HS3ST5: variants seen among roughly 807,000 people sequenced by gnomAD.
HS3ST5 encodes the protein heparan sulfate-glucosamine 3-sulfotransferase 5.
HS3ST5 carries 10 observed loss-of-function variants against 25.4 expected under a neutral mutation model. The ratio of observed to expected loss-of-function variants is 0.39; its 90% confidence interval spans 0.24 to 0.67. The LOEUF is 0.67. Among genes scored for constraint, HS3ST5 ranks in the 30% least tolerant of loss-of-function variants. The pLI, the probability that HS3ST5 is intolerant of heterozygous loss-of-function variation, is 0.44. For synonymous variants in HS3ST5, 170 were observed against 162.4 expected, an observed-to-expected ratio of 1.05 and a Z score of -0.36; for missense variants, 324 against 420.7, an observed-to-expected ratio of 0.77 and a Z score of 2.01.
intron 1 of HS3ST5, among the ~76,000 whole-genome samples, chr6:114,291,611 C>G (rs1274074565): frequency 6.6e-6 from 1 of 152,038 alleles, no homozygotes; most frequent in Non-Finnish European, 1.5e-5. Flanking sequence ...AATGTCTAGA[C>G]AGGATGAAGA....
intron 1 of HS3ST5, among the ~76,000 whole-genome samples, chr6:114,299,610 C>G (rs1373288362): frequency 1.3e-5 from 2 of 152,114 alleles, no homozygotes; most frequent in Non-Finnish European, 2.9e-5. Context: ...CCCTTTATTT[C>G]TCAACCCGGC....
At chr6:114,176,798 A>G (rs1034321153) in intron 2 of HS3ST5, among the ~76,000 whole-genome samples, 7 of 152,164 alleles carry the variant, frequency 4.6e-5, no homozygotes, top group African/African-American at 1.7e-4. Context: ...TGGGGTATAA[A>G]TCTATTTTTA....
At chr6:114,334,459 G>T (rs1776527694) in intron 1 of HS3ST5, among the ~76,000 whole-genome samples, 1 of 152,210 alleles carries the variant, frequency 6.6e-6, no homozygotes, top group African/African-American at 2.4e-5. Context: ...TGCCTACAGA[G>T]TGTGAGTGCA....
At chr6:114,076,262 G>GT (rs1435250086) in intron 3 of HS3ST5, among the ~76,000 whole-genome samples, 1 of 152,140 alleles carries the variant, frequency 6.6e-6, no homozygotes, top group East Asian at 1.9e-4. Context: ...CTGATCTTCT[G>GT]TTTTTTCCTA....
chr6:114,158,479 T>A (rs1778800814), intron 3 of HS3ST5, among the ~76,000 whole-genome samples: 3 of 152,124 alleles, frequency 2.0e-5, no homozygotes, highest in Admixed American at 2.0e-4. Context: ...GTGAAGTGCT[T>A]CATGTGTGTT....
intron 3 of HS3ST5, among the ~76,000 whole-genome samples, 192 bp from the exon 4 acceptor site, chr6:114,063,069 A>G (rs1476279504): frequency 6.6e-6 from 1 of 152,222 alleles, no homozygotes; most frequent in Non-Finnish European, 1.5e-5. Flanking sequence ...ATGTTATAAG[A>G]TCAAATACTA....
chr6:114,071,975 T>C lies in HS3ST5; in HGVS notation c.-32-9098A>G, dbSNP rs557537368. ...TTGCCCTGTGATAGAAGTGGGGCAG[T>C]GGGCATTCTTGTCTCAAAGCCTAGG... On this transcript the variant is annotated intron_variant, in intron 3 of 4. Transcript: ENST00000312719. 2.6e-5 allele frequency among the ~76,000 whole-genome samples: 4 copies of C among 152,288 alleles called. No individual in the cohort carries two copies. In the South Asian group the frequency reaches 6.2e-4, roughly 24 times the overall value.
At chr6:114,210,152 A>G (rs1451727300) in intron 2 of HS3ST5, among the ~76,000 whole-genome samples, 1 of 152,206 alleles carries the variant, frequency 6.6e-6, no homozygotes, top group African/African-American at 2.4e-5. Flanking sequence ...AATATTCATT[A>G]TTAGTAGTAA....
chr6:114,115,819 G>A (rs1474500880), intron 3 of HS3ST5, among the ~76,000 whole-genome samples: 2 of 152,072 alleles, frequency 1.3e-5, no homozygotes, highest in Non-Finnish European at 2.9e-5. Context: ...TGAAGGGTAA[G>A]TATTTTAGTG....
intron 3 of HS3ST5, among the ~76,000 whole-genome samples, chr6:114,073,910 T>C (rs565069632): frequency 1.4e-4 from 21 of 152,244 alleles, no homozygotes; most frequent in Middle Eastern, 3.4e-3. Context: ...TGTCCATCAA[T>C]GGTAGACTGG....
At chr6:114,230,661 A>G (rs1203209363) in intron 1 of HS3ST5, among the ~76,000 whole-genome samples, 23 of 146,728 alleles carry the variant, frequency 1.6e-4, no homozygotes, top group Non-Finnish European at 1.5e-5. Flanking sequence ...ATCTCGGCTC[A>G]CTGCAACCCC....
intron 3 of HS3ST5, among the ~76,000 whole-genome samples, chr6:114,159,702 G>T (rs1227577795): frequency 6.6e-6 from 1 of 152,122 alleles, no homozygotes; most frequent in African/African-American, 2.4e-5. Context: ...CTGTGTGTAT[G>T]TTAGATTTCA....
chr6:114,175,589 G>A (rs779376968), intron 2 of HS3ST5, among the ~76,000 whole-genome samples: 1 of 152,178 alleles, frequency 6.6e-6, no homozygotes, highest in African/African-American at 2.4e-5. Flanking sequence ...GGCTAAGGGG[G>A]AGGAGGAATG....
At position 114,201,031 on chromosome 6, in the gene HS3ST5, C is replaced by A. The variant is rs141727175; in HGVS notation, c.-145+27554G>T. 9.2e-4 allele frequency among the ~76,000 whole-genome samples: 140 copies of A among 152,278 alleles called. 1 individual carries two copies. Among genetic ancestry groups the A allele is most frequent in the Non-Finnish European group, 1.3e-3 (86 of 68,028 alleles). On this transcript the variant is annotated intron_variant, in intron 2 of 4. Transcript: ENST00000312719. ...TGAGAAGACTGGCTGATCATCAGCT[C>A]CTCTACGAACAGAGCAGTCTATAAG...
intron 3 of HS3ST5, among the ~76,000 whole-genome samples, chr6:114,106,057 T>C (rs893065598): frequency 6.6e-6 from 1 of 152,124 alleles, no homozygotes; most frequent in Non-Finnish European, 1.5e-5. Flanking sequence ...TTCTTTACTT[T>C]GGGGTATTTA....
At chr6:114,111,213 A>C (rs1169193766) in intron 3 of HS3ST5, among the ~76,000 whole-genome samples, 1 of 152,194 alleles carries the variant, frequency 6.6e-6, no homozygotes, top group African/African-American at 2.4e-5. Flanking sequence ...GTTTCAATGG[A>C]GCATAACTAA....
intron 1 of HS3ST5, among the ~76,000 whole-genome samples, chr6:114,326,602 A>G (rs1776185655): frequency 1.3e-5 from 2 of 152,218 alleles, no homozygotes; most frequent in African/African-American, 4.8e-5. Context: ...AAAGTTTTCT[A>G]GTTGAAATAT....
intron 2 of HS3ST5, among the ~76,000 whole-genome samples, chr6:114,213,818 C>T (rs528410158): frequency 2.8e-4 from 43 of 152,260 alleles, no homozygotes; most frequent in African/African-American, 1.0e-3. Context: ...CATCTTTGAT[C>T]CCCACTCAGT....
At chr6:114,303,319 C>T (rs1775158234) in intron 1 of HS3ST5, among the ~76,000 whole-genome samples, 1 of 151,650 alleles carries the variant, frequency 6.6e-6, no homozygotes. Flanking sequence ...CCCCCACCCC[C>T]ACCTCAAAAG....
Sources: gnomAD v4.1 joint callset for allele counts (sites outside exome capture counted in the v4.1 genomes callset) on GRCh38, gnomAD v4.1.1 for gene constraint, MANE v1.5 for transcripts, NCBI Gene and HGNC (gene_info 2026-07-23, HGNC 2026-07-21) for gene names.